The following OR56A3 variants were observed in gnomAD, a reference collection of about 807,000 sequenced individuals.
OR56A3 encodes the protein olfactory receptor family 56 subfamily A member 3, also known as olfactory receptor 56A3.
A neutral mutation model predicts 17.5 loss-of-function variants in OR56A3; 23 were observed. The ratio of observed to expected loss-of-function variants is 1.32; its 90% confidence interval spans 0.95 to 1.87. The LOEUF is 1.87. Ranked by LOEUF, OR56A3 falls within the 40% of genes most tolerant of loss-of-function variation. The pLI is 0.00. For synonymous variants in OR56A3, 175 were observed against 150.6 expected, an observed-to-expected ratio of 1.16 and a Z score of -1.19; for missense variants, 366 against 380.1, an observed-to-expected ratio of 0.96 and a Z score of 0.31.
chr11:5,968,553 A>T, the OR56A3 span: 2 of 1,191,020 alleles, frequency 1.7e-6, no homozygotes, highest in Non-Finnish European at 2.4e-6. Context: ...AGACACAGGA[A>T]TTAGAAATAG....
rs1847888538 is a variant in OR56A3, at chr11:5,948,478, A to G, written c.*184A>G. ...TCTTCCTTTTCACCCTTTTCTCAGA[A>G]ATATTCTTGGCCCTCTCTCGTTTTA... On this transcript the variant is annotated 3_prime_UTR_variant, in exon 3 of 3. Transcript: ENST00000641160. 1 of 559,036 alleles carries G rather than the reference A, an allele frequency of 1.8e-6. No homozygotes were observed. Among genetic ancestry groups the G allele is most frequent in the African/African-American group, 1.9e-5 (1 of 53,508 alleles). 34.6% of individuals were successfully genotyped at this position (559,036 alleles called of 1,614,324 possible). A position where few individuals can be genotyped will look rare whatever the true frequency, so the allele number is the denominator to read the frequency against.
At chr11:5,969,194 G>A in the OR56A3 span, among the ~76,000 whole-genome samples, 3 of 152,232 alleles carry the variant, frequency 2.0e-5, no homozygotes, top group African/African-American at 7.2e-5. Context: ...AGAAAGATAG[G>A]CTCAAAGGTT....
the OR56A3 span, among the ~76,000 whole-genome samples, chr11:5,990,295 T>G: frequency 6.6e-6 from 1 of 152,202 alleles, no homozygotes; most frequent in Admixed American, 6.5e-5. Flanking sequence ...AGGAAGGTGA[T>G]AAGGCAGAGG....
chr11:5,978,489 G>T, the OR56A3 span, among the ~76,000 whole-genome samples: 1 of 151,916 alleles, frequency 6.6e-6, no homozygotes, highest in South Asian at 2.1e-4. Flanking sequence ...TAATGGGATT[G>T]CATTCTTGAC....
intron 1 of OR56A3, among the ~76,000 whole-genome samples, chr11:5,942,649 G>C (rs1180002913): frequency 3.9e-5 from 6 of 152,190 alleles, no homozygotes; most frequent in Non-Finnish European, 7.4e-5. Flanking sequence ...AGAGGTTGAA[G>C]ACAAAGACCA....
At chr11:5,996,315 A>G in the OR56A3 span, among the ~76,000 whole-genome samples, 1 of 152,196 alleles carries the variant, frequency 6.6e-6, no homozygotes, top group African/African-American at 2.4e-5. Flanking sequence ...ATTTCTTAGT[A>G]GACTGGTCTT....
At chr11:6,013,262 G>T in the OR56A3 span, among the ~76,000 whole-genome samples, 2 of 152,224 alleles carry the variant, frequency 1.3e-5, no homozygotes, top group Non-Finnish European at 2.9e-5. Flanking sequence ...CCAGGCCCTT[G>T]CTGGGCACAG....
the OR56A3 span, among the ~76,000 whole-genome samples, chr11:5,963,681 G>T: frequency 1.4e-3 from 210 of 152,146 alleles, no homozygotes; most frequent in African/African-American, 4.6e-3. Context: ...GTAGTCTTAG[G>T]TGTATTGAAT....
the OR56A3 span, chr11:5,999,411 A>G: frequency 6.6e-6 from 1 of 152,236 alleles, no homozygotes; most frequent in Non-Finnish European, 1.5e-5. Context: ...CACTCTTTGA[A>G]AAAACAATAA....
chr11:5,986,330 C>T, the OR56A3 span: 1 of 1,613,982 alleles, frequency 6.2e-7, no homozygotes, highest in South Asian at 1.1e-5. Context: ...TTCACAACAG[C>T]CATATGTTCA....
chr11:5,979,817 G>A, the OR56A3 span, among the ~76,000 whole-genome samples: 1 of 151,760 alleles, frequency 6.6e-6, no homozygotes, highest in African/African-American at 2.4e-5. Context: ...TTTGATGTGA[G>A]CATTTAGCAC....
chr11:6,014,714 C>T, the OR56A3 span, among the ~76,000 whole-genome samples: 1 of 152,032 alleles, frequency 6.6e-6, no homozygotes, highest in East Asian at 1.9e-4. Context: ...TTTGGACCTT[C>T]CTAGAGATTT....
the OR56A3 span, among the ~76,000 whole-genome samples, chr11:5,985,660 C>A: frequency 6.6e-6 from 1 of 152,212 alleles, no homozygotes; most frequent in Non-Finnish European, 1.5e-5. Flanking sequence ...TCAGAGCTAT[C>A]ATCTATTTCT....
At chr11:5,996,445 C>T in the OR56A3 span, among the ~76,000 whole-genome samples, 1 of 152,186 alleles carries the variant, frequency 6.6e-6, no homozygotes, top group African/African-American at 2.4e-5. Context: ...AACCTGTAGC[C>T]CAGCCTCTTT....
the OR56A3 span, chr11:5,986,538 C>T: frequency 3.1e-6 from 5 of 1,613,842 alleles, no homozygotes; most frequent in Non-Finnish European, 4.2e-6. Context: ...CCACAAGTAC[C>T]CCTGACTCCA....
chr11:5,961,299 G>C, the OR56A3 span, among the ~76,000 whole-genome samples: 5 of 152,320 alleles, frequency 3.3e-5, no homozygotes, highest in South Asian at 6.2e-4. Context: ...TGGCGGTTTT[G>C]TCCAATAGAA....
the OR56A3 span, among the ~76,000 whole-genome samples, chr11:5,990,242 A>G: frequency 2.0e-5 from 3 of 152,250 alleles, no homozygotes; most frequent in Non-Finnish European, 4.4e-5. Context: ...ATTAGATTAA[A>G]AAATAAATAA....
At chr11:5,966,324 A>C in the OR56A3 span, among the ~76,000 whole-genome samples, 1 of 152,128 alleles carries the variant, frequency 6.6e-6, no homozygotes, top group Non-Finnish European at 1.5e-5. Context: ...CAGTGAGCCA[A>C]GATCATGGCA....
At chr11:6,003,140 T>C in the OR56A3 span, 9 of 1,563,554 alleles carry the variant, frequency 5.8e-6, no homozygotes, top group African/African-American at 1.4e-5. Flanking sequence ...TTAAAATCAC[T>C]GTCATCATCC....
Sources: gnomAD v4.1 joint callset for allele counts (sites outside exome capture counted in the v4.1 genomes callset) on GRCh38, gnomAD v4.1.1 for gene constraint, MANE v1.5 for transcripts, NCBI Gene and HGNC (gene_info 2026-07-23, HGNC 2026-07-21) for gene names.